MARCHF1: variants seen among roughly 807,000 people sequenced by gnomAD.
MARCHF1 encodes the protein E3 ubiquitin-protein ligase MARCHF1.
A neutral mutation model predicts 54.2 loss-of-function variants in MARCHF1; 40 were observed. The ratio of observed to expected loss-of-function variants is 0.74; its 90% CI spans 0.57 to 0.96. The LOEUF (loss-of-function observed/expected upper bound fraction) is 0.96, where lower values mean the gene tolerates loss of function less well. Among genes scored for constraint, MARCHF1 ranks in the 40% least tolerant of loss-of-function variants. The pLI is 0.00. For synonymous variants in MARCHF1, 236 were observed against 236.3 expected (o/e 1.00, Z 0.01); for missense variants, 586 against 656.5 (o/e 0.89, Z 1.17).
rs1276253353 is a variant in MARCHF1, at chr4:163,526,228, G to A, written c.*2520C>T. 1 of 152,086 alleles carries A rather than the reference G, an allele frequency of 6.6e-6. No individual in the cohort carries two copies. The allele number at this position is 152,086 out of a possible 1,614,324, so 9.4% of individuals were successfully genotyped here. On this transcript the variant is annotated 3_prime_UTR_variant, in exon 10 of 10. Coordinates refer to ENST00000514618, the MANE Select transcript of MARCHF1 (RefSeq NM_001394959.1). ...GAAATGTTTTCTTAGTGTTAAAAGT[G>A]TAGCCCTTAATAAATGAGGCTTTAT...
chr4:164,177,711 C>A (rs925103461), intron 1 of MARCHF1, among the ~76,000 whole-genome samples: 1 of 151,992 alleles, frequency 6.6e-6, no homozygotes. Context: ...AAGGGTTACA[C>A]CTTTCATAAT....
intron 5 of MARCHF1, among the ~76,000 whole-genome samples, chr4:163,679,251 G>T (rs1391381441): frequency 6.6e-6 from 1 of 152,172 alleles, no homozygotes; most frequent in Non-Finnish European, 1.5e-5. Context: ...AGATTTTTCA[G>T]GAATATTCTA....
chr4:164,110,123 T>TACACACACACACAC lies in MARCHF1; in HGVS notation c.-248+1451_-248+1464dup, dbSNP rs70948699. ...TTAAAAAACCCATTGGAATTGGAGATACACACACACACACACACACACACA... is the reference window on the plus strand; with the variant it reads ...TTAAAAAACCCATTGGAATTGGAGATACACACACACACACACACACACACACACACACACACACA... On this transcript the variant is annotated intron_variant, in intron 2 of 9. Coordinates refer to ENST00000514618, the MANE Select transcript of MARCHF1 (RefSeq NM_001394959.1). Among the ~76,000 whole-genome samples, 82 of 146,024 alleles carry TACACACACACACAC rather than the reference T, an allele frequency of 5.6e-4. 1 individual carries two copies. Among genetic ancestry groups the TACACACACACACAC allele is most frequent in the African/African-American group, 1.9e-3 (74 of 39,856 alleles).
chr4:163,548,011 C>T (rs559507704), intron 8 of MARCHF1, among the ~76,000 whole-genome samples: 2 of 152,114 alleles, frequency 1.3e-5, no homozygotes, highest in Non-Finnish European at 2.9e-5. Context: ...AATTTAGACT[C>T]TATTTTGAAT....
chr4:163,969,897 A>G (rs1049151654), intron 3 of MARCHF1, among the ~76,000 whole-genome samples: 3 of 152,200 alleles, frequency 2.0e-5, no homozygotes, highest in African/African-American at 4.8e-5. Flanking sequence ...AAAATGATCT[A>G]AAGTGTGGAA....
chr4:164,373,727 A>G (rs947592460), intron 1 of MARCHF1, among the ~76,000 whole-genome samples: 11 of 152,330 alleles, frequency 7.2e-5, no homozygotes, highest in African/African-American at 2.4e-4. Context: ...AGAAAGATCC[A>G]CTATAAAAAT....
chr4:163,594,493 T>TACAC (rs372853144), intron 7 of MARCHF1, among the ~76,000 whole-genome samples: 1 of 150,458 alleles, frequency 6.6e-6, no homozygotes, highest in Non-Finnish European at 1.5e-5. Flanking sequence ...CCAGTGCCAA[T>TACAC]ACACACACAC....
intron 1 of MARCHF1, among the ~76,000 whole-genome samples, chr4:164,225,360 C>A (rs1372816704): frequency 1.3e-5 from 2 of 151,978 alleles, no homozygotes; most frequent in African/African-American, 4.8e-5. Flanking sequence ...CCTCTAACTG[C>A]CTATTTCTAT....
chr4:163,936,552 G>A (rs1356308775), intron 3 of MARCHF1, among the ~76,000 whole-genome samples: 1 of 152,216 alleles, frequency 6.6e-6, no homozygotes, highest in African/African-American at 2.4e-5. Context: ...TGAGGATGGT[G>A]TGATGCTTGG....
chr4:163,579,385 A>G (rs1175423964), intron 8 of MARCHF1, among the ~76,000 whole-genome samples: 2 of 152,226 alleles, frequency 1.3e-5, no homozygotes, highest in Non-Finnish European at 2.9e-5. Flanking sequence ...AATCAAGTTG[A>G]AATATTTTTC....
intron 1 of MARCHF1, among the ~76,000 whole-genome samples, chr4:164,228,517 G>A (rs1050443336): frequency 6.6e-6 from 1 of 152,148 alleles, no homozygotes; most frequent in African/African-American, 2.4e-5. Context: ...AACAGCATAA[G>A]AATTAATGAT....
At chr4:164,147,691 A>C (rs1579573982) in intron 1 of MARCHF1, among the ~76,000 whole-genome samples, 1 of 96,142 alleles carries the variant, frequency 1.0e-5, no homozygotes, top group Non-Finnish European at 2.1e-5. Context: ...GGGAGGGGGG[A>C]GGGATAGCAT....
intron 3 of MARCHF1, among the ~76,000 whole-genome samples, chr4:163,978,406 T>C (rs1752690742): frequency 6.6e-6 from 1 of 152,232 alleles, no homozygotes; most frequent in Non-Finnish European, 1.5e-5. Flanking sequence ...CACTTTTGTT[T>C]ATCAAGCACT....
intron 2 of MARCHF1, among the ~76,000 whole-genome samples, chr4:164,004,496 T>C (rs1201966604): frequency 2.0e-5 from 3 of 151,998 alleles, no homozygotes; most frequent in Non-Finnish European, 4.4e-5. Context: ...GGATAACCTA[T>C]AACAACACTG....
chr4:164,179,508 G>A (rs1443335953), intron 1 of MARCHF1, among the ~76,000 whole-genome samples: 2 of 152,040 alleles, frequency 1.3e-5, no homozygotes, highest in East Asian at 3.9e-4. Flanking sequence ...TGCTCCTAAA[G>A]CGGTACAGAA....
intron 1 of MARCHF1, among the ~76,000 whole-genome samples, chr4:164,368,978 A>G (rs1044169626): frequency 1.4e-4 from 22 of 152,192 alleles, no homozygotes; most frequent in African/African-American, 5.1e-4. Context: ...GACTGGACAG[A>G]GGGAGAAGCT....
At chr4:163,636,149 G>A (rs1246192901) in intron 5 of MARCHF1, among the ~76,000 whole-genome samples, 8 of 152,142 alleles carry the variant, frequency 5.3e-5, no homozygotes, top group African/African-American at 7.2e-5. Flanking sequence ...TACTGAATGG[G>A]AAAAAACTGG....
intron 4 of MARCHF1, among the ~76,000 whole-genome samples, chr4:163,746,060 G>A (rs943686696): frequency 2.0e-5 from 3 of 152,234 alleles, no homozygotes; most frequent in Middle Eastern, 6.8e-3. Context: ...TCTTGGTGTT[G>A]TTCATTCTAT....
At chr4:164,025,740 GAATT>G (rs1215752524) in intron 2 of MARCHF1, among the ~76,000 whole-genome samples, 1 of 150,870 alleles carries the variant, frequency 6.6e-6, no homozygotes, top group Non-Finnish European at 1.5e-5. Flanking sequence ...GAGAGGAACT[GAATT>G]AAATTGAGAG....
Sources: gnomAD v4.1 joint callset for allele counts (sites outside exome capture counted in the v4.1 genomes callset) on GRCh38, gnomAD v4.1.1 for gene constraint, MANE v1.5 for transcripts, NCBI Gene and HGNC (gene_info 2026-07-23, HGNC 2026-07-21) for gene names.